The following HNF1A variants were observed in gnomAD, a reference collection of about 807,000 sequenced individuals.
HNF1A encodes hepatocyte nuclear factor 1-alpha.
A neutral mutation model predicts 62.2 loss-of-function variants in HNF1A; 21 were observed. That is an observed-to-expected ratio of 0.34 (90% CI 0.24 to 0.49). The LOEUF (loss-of-function observed/expected upper bound fraction) is 0.49. Ranked by LOEUF, HNF1A falls within the 20% of genes least tolerant of loss-of-function variation. The probability of loss-of-function intolerance (pLI) is 0.99; values close to 1 mark genes in which losing one functional copy is unlikely to be tolerated. For synonymous variants in HNF1A, 374 were observed against 366.8 expected (o/e 1.02, Z -0.22); for missense variants, 687 against 832.3 (o/e 0.83, Z 2.15).
Position 120,996,508 on chromosome 12 carries a change from G to GC in HNF1A, c.1108-27dup, listed in dbSNP as rs1565886694. The GC allele has an allele frequency of 1.2e-6, 2 of 1,612,716 alleles. No individual in the cohort carries two copies. Among genetic ancestry groups the GC allele is most frequent in the East Asian group, 2.2e-5 (1 of 44,858 alleles). ...CTAGGGAGGCCCTGTGGGGACCCCGGCCCCCCGGACACAGCTTGGCTTCCC... is the reference window on the plus strand; with the variant it reads ...CTAGGGAGGCCCTGTGGGGACCCCGGCCCCCCCGGACACAGCTTGGCTTCCC... On this transcript the variant is annotated intron_variant, in intron 5 of 9. Coordinates refer to ENST00000257555, the MANE Select transcript of HNF1A (RefSeq NM_000545.8). This position sits in a 1 kb window ranked among gnomAD's most constrained non-coding sequence, Gnocchi z 4.5.
At chr12:120,986,111 C>CAA (rs1876499210) in intron 1 of HNF1A, among the ~76,000 whole-genome samples, 1 of 152,210 alleles carries the variant, frequency 6.6e-6, no homozygotes, top group Non-Finnish European at 1.5e-5. Flanking sequence ...ACCCCGTTCT[C>CAA]CTCTGGAAGG....
rs974407604 is a variant in HNF1A, at chr12:121,001,456, C to T, written c.*264C>T. 18 of 520,294 alleles carry T rather than the reference C, an allele frequency of 3.5e-5. No homozygotes were observed. The highest frequency in any genetic ancestry group is 8.1e-5 in the South Asian group (4 of 49,162). 32.2% of individuals were successfully genotyped at this position (520,294 alleles called of 1,614,324 possible). A position where few individuals can be genotyped will look rare whatever the true frequency, so the allele number is the denominator to read the frequency against. On this transcript the variant is annotated 3_prime_UTR_variant, in exon 10 of 10. Coordinates refer to ENST00000257555, the MANE Select transcript of HNF1A (RefSeq NM_000545.8). The stretch of plus-strand genomic sequence containing the variant: ...TCATGGCAGATGTAGGAGGGACTGT[C>T]GCTGCTTCGTGGGATACAGTCTTCT...
At chr12:120,990,335 G>A (rs1876758287) in intron 2 of HNF1A, among the ~76,000 whole-genome samples, 1 of 151,472 alleles carries the variant, frequency 6.6e-6, no homozygotes, top group African/African-American at 2.4e-5. Context: ...TAGAGTCGGG[G>A]TTTCACCATG....
intron 3 of HNF1A, 71 bp from the exon 4 acceptor site, chr12:120,994,093 C>G (rs1876961190): frequency 6.4e-7 from 1 of 1,572,902 alleles, no homozygotes. Context: ...TTCTCAGAAC[C>G]CTCCCCTTCA....
chr12:120,979,105 C>G lies in HNF1A; in HGVS notation c.326+11C>G, dbSNP rs370313011. ...GGAGACCCTTCTGCAGTAAGGAGCCCTGCCCCGTCCCCGCTCCCAGGAGAG... is the reference window on the plus strand; with the variant it reads ...GGAGACCCTTCTGCAGTAAGGAGCCGTGCCCCGTCCCCGCTCCCAGGAGAG... On this transcript the variant is annotated intron_variant, in intron 1 of 9. Coordinates refer to ENST00000257555, the MANE Select transcript of HNF1A (RefSeq NM_000545.8). The G allele has an allele frequency of 6.2e-7, 1 of 1,601,230 alleles. No individual in the cohort carries two copies. The highest frequency in any genetic ancestry group is 1.3e-5 in the African/African-American group (1 of 74,454).
chr12:120,997,954 T>A (rs987814480), intron 7 of HNF1A: 5 of 621,488 alleles, frequency 8.0e-6, no homozygotes, highest in Non-Finnish European at 1.2e-5. Flanking sequence ...CTTAGGGCCA[T>A]ATGAATTTCT....
At position 120,996,184 on chromosome 12, in the gene HNF1A, T is replaced by C; in HGVS notation, c.956-78T>C. 6.4e-7 allele frequency: 1 copy of C among 1,560,046 alleles called. No homozygotes were observed. Among genetic ancestry groups the C allele is most frequent in the Non-Finnish European group, 8.8e-7 (1 of 1,135,908 alleles). On this transcript the variant is annotated intron_variant, in intron 4 of 9. Coordinates refer to ENST00000257555, the MANE Select transcript of HNF1A (RefSeq NM_000545.8). The surrounding 1 kb of genome is among the most constrained non-coding windows in gnomAD (Gnocchi z 4.5). ...GCTGGCCTAAGCAAACCAATGGAGT[T>C]TGAAGTGCTGAGGGCTGTGGAGGCA... is the stretch of plus-strand genomic sequence containing the variant.
At position 120,997,612 on chromosome 12, in the gene HNF1A, A is replaced by G. The variant is rs1877178911; in HGVS notation, c.1448A>G (p.His483Arg). Residue 483 changes from histidine (H) to arginine (R), a missense_variant, in exon 7 of 10, where the codon CAT (histidine) becomes CGT (arginine). His to Arg is a conservative substitution (Grantham distance 29). This residue lies in a region of HNF1A where 408 missense variants were observed against 455.3 expected (regional missense o/e 0.90). Transcript: ENST00000257555. ...CCGCTCATGCCACCTGTGCAGAGCC[A>G]TGTGACCCAGAGCCCCTTCATGGCC... ...QQPLMPPVQS[H>R]VTQSPFMATM... The G allele has an allele frequency of 1.2e-6, 2 of 1,613,710 alleles. No individual in the cohort carries two copies. The highest frequency in any genetic ancestry group is 1.7e-6 in the Non-Finnish European group (2 of 1,179,900).
chr12:120,986,132 C>T (rs977289885), intron 1 of HNF1A, among the ~76,000 whole-genome samples: 2 of 152,150 alleles, frequency 1.3e-5, no homozygotes, highest in Non-Finnish European at 2.9e-5. Context: ...AACCAGAGTC[C>T]CCAGTTCCTT....
Position 121,001,939 on chromosome 12 carries a change from C to A in HNF1A, c.*747C>A. On this transcript the variant is annotated 3_prime_UTR_variant, in exon 10 of 10. Transcript: ENST00000257555. ...AAGAGCATCATGCCTCTGAGGCCAG[C>A]CTGGCCTCCTGCCTCTACTGGGAAG... 1.9e-6 allele frequency: 1 copy of A among 525,592 alleles called. No individual in the cohort carries two copies. The highest frequency in any genetic ancestry group is 3.7e-6 in the Non-Finnish European group (1 of 271,190). The allele number at this position is 525,592 out of a possible 1,614,324, so 32.6% of individuals were successfully genotyped here.
intron 2 of HNF1A, among the ~76,000 whole-genome samples, chr12:120,991,875 G>A (rs1015145324): frequency 3.3e-5 from 5 of 152,132 alleles, no homozygotes; most frequent in Admixed American, 6.5e-5. Flanking sequence ...ATCACTAGAC[G>A]AAATTTTACA....
chr12:120,992,980 T>C (rs1455197847), intron 2 of HNF1A, among the ~76,000 whole-genome samples: 1 of 152,192 alleles, frequency 6.6e-6, no homozygotes, highest in Non-Finnish European at 1.5e-5. Flanking sequence ...GATAAGCTGG[T>C]AGACCAGTTT....
rs761331282 is a variant in HNF1A, at chr12:120,994,193, C to T, written c.743C>T (p.Pro248Leu). Residue 248 changes from proline to leucine, a missense_variant, in exon 4 of 10, where the codon CCA (proline) becomes CTA (leucine). Physicochemically the swap from Pro to Leu is moderately conservative, Grantham distance 98. This residue lies in a region of HNF1A where 47 missense variants were observed against 109.4 expected (regional missense o/e 0.43). Transcript: ENST00000257555. ...RAECIQRGVSPSQAQGLGSNL... is the reference protein window; with the variant it reads ...RAECIQRGVSLSQAQGLGSNL... ...GAATGCATCCAGAGAGGGGTGTCCCCATCACAGGCACAGGGGCTGGGCTCC... is the reference window on the plus strand; with the variant it reads ...GAATGCATCCAGAGAGGGGTGTCCCTATCACAGGCACAGGGGCTGGGCTCC... 6.2e-7 allele frequency: 1 copy of T among 1,613,540 alleles called. No individual in the cohort carries two copies.
chr12:120,993,400 C>T (rs1876924501), intron 2 of HNF1A, 120 bp from the exon 3 acceptor site: 1 of 932,052 alleles, frequency 1.1e-6, no homozygotes, highest in Non-Finnish European at 1.7e-6. Flanking sequence ...TAAGTTCTAG[C>T]TGTAAGCTCC....
rs1342249430 is a variant in HNF1A at position 120,996,558 on chromosome 12, C to T, written c.1125C>T (p.Gly375=). The part of the protein sequence containing the change: ...TEAKLVSAAG[G]PLPPVSTLTA... ...CCTCGTAGGTCTCAGCAGCTGGGGG[C>T]CCCCTCCCCCCTGTCAGCACCCTGA... Residue 375 remains glycine (G), a synonymous_variant, in exon 6 of 10, where the codon GGC becomes GGT. Coordinates refer to ENST00000257555, the MANE Select transcript of HNF1A (RefSeq NM_000545.8). The surrounding 1 kb of genome is among the most constrained non-coding windows in gnomAD (Gnocchi z 4.5). 1.2e-6 allele frequency: 2 copies of T among 1,613,350 alleles called. No individual in the cohort carries two copies. The highest frequency in any genetic ancestry group is 3.3e-5 in the Admixed American group (2 of 59,972).
chr12:120,983,916 C>CTCTGTGTGTGTGTG (rs1484410766), intron 1 of HNF1A, among the ~76,000 whole-genome samples: 1 of 137,278 alleles, frequency 7.3e-6, no homozygotes, highest in Non-Finnish European at 1.6e-5. Flanking sequence ...CTTGAAGACT[C>CTCTGTGTGTGTGTG]TGTGTGTGTG....
chr12:120,995,466 C>T (rs1016834823), intron 4 of HNF1A, among the ~76,000 whole-genome samples: 1 of 152,130 alleles, frequency 6.6e-6, no homozygotes, highest in Non-Finnish European at 1.5e-5. Context: ...CCCATCCACT[C>T]AACTCCATTC....
intron 2 of HNF1A, among the ~76,000 whole-genome samples, chr12:120,991,628 G>GTATGTATGT (rs55638598): frequency 5.5e-3 from 292 of 53,232 alleles, no homozygotes; most frequent in Middle Eastern, 0.016. Context: ...ATGTATGTAT[G>GTATGTATGT]ATGTATGTAT....
chr12:120,997,254 C>T, intron 6 of HNF1A: 6 of 1,428,958 alleles, frequency 4.2e-6, no homozygotes, highest in Non-Finnish European at 5.5e-6. Flanking sequence ...CTGCCTCTCC[C>T]ACTAGCCTAG....
Sources: allele counts gnomAD v4.1 joint callset (sites outside exome capture counted in the v4.1 genomes callset), GRCh38; gene constraint gnomAD v4.1.1; regional missense constraint gnomAD v4.1.1; non-coding constraint Gnocchi (gnomAD v3.1); transcripts MANE v1.5; gene names NCBI Gene and HGNC (gene_info 2026-07-23, HGNC 2026-07-21).